PTPRD: variants seen among roughly 807,000 people sequenced by gnomAD.
PTPRD encodes receptor-type tyrosine-protein phosphatase delta.
In PTPRD, 34 loss-of-function variants were observed where a neutral mutation model predicts 214.5. The observed-to-expected ratio is 0.16, with a 90% CI of 0.12 to 0.21. PTPRD has a LOEUF of 0.21. Among genes scored for constraint, PTPRD ranks in the 10% least tolerant of loss-of-function variants. The probability of loss-of-function intolerance (pLI) is 1.00; values close to 1 mark genes in which losing one functional copy is unlikely to be tolerated. For synonymous variants in PTPRD, 1,128 were observed against 845.7 expected, an observed-to-expected ratio of 1.33 and a Z score of -5.79; for missense variants, 2,545 against 2,398.7, an observed-to-expected ratio of 1.06 and a Z score of -1.27.
chr9:9,157,659 T>C (rs991564878), intron 10 of PTPRD, among the ~76,000 whole-genome samples: 2 of 152,210 alleles, frequency 1.3e-5, no homozygotes, highest in African/African-American at 2.4e-5. Flanking sequence ...CAGGACCAGA[T>C]GGCTTCACCA....
At chr9:10,261,058 G>GTATATATAT (rs1564852579) in intron 3 of PTPRD, among the ~76,000 whole-genome samples, 19 of 132,590 alleles carry the variant, frequency 1.4e-4, no homozygotes, top group African/African-American at 5.6e-4. Flanking sequence ...TTATATATGT[G>GTATATATAT]TATATATATT....
intron 7 of PTPRD, among the ~76,000 whole-genome samples, chr9:9,596,952 C>T (rs1489393150): frequency 6.6e-6 from 1 of 151,870 alleles, no homozygotes; most frequent in Non-Finnish European, 1.5e-5. Context: ...GATTATTCTG[C>T]CCCAAAGAAA....
intron 2 of PTPRD, among the ~76,000 whole-genome samples, chr9:10,480,915 C>G (rs377475146): frequency 2.6e-5 from 4 of 152,102 alleles, no homozygotes; most frequent in South Asian, 2.1e-4. Flanking sequence ...TGCTTAAACT[C>G]TTCTTTGATA....
rs200740067 is a variant in PTPRD, at chr9:9,395,178, A to G, written c.-203+2271T>C. Among the ~76,000 whole-genome samples, 200 of 142,040 alleles carry G rather than the reference A, an allele frequency of 1.4e-3. 1 individual carries two copies. The East Asian group carries it at 0.043, about 30-fold the overall frequency. The allele number at this position is 142,040 out of a possible 152,430, so 93.2% of individuals were successfully genotyped here. A position where few individuals can be genotyped will look rare whatever the true frequency, so the allele number is the denominator to read the frequency against. On this transcript the variant is annotated intron_variant, in intron 9 of 45. Transcript: ENST00000381196. ...CCCAGTTGATGCTGACCCTCCCAGG[A>G]ACATGAAACAAAAAAAAAAAAAAGT...
intron 9 of PTPRD, among the ~76,000 whole-genome samples, chr9:9,351,270 A>C (rs1052435057): frequency 1.3e-5 from 2 of 152,044 alleles, no homozygotes; most frequent in Admixed American, 1.3e-4. Flanking sequence ...AGAGAACATA[A>C]AAAGAGGAAA....
intron 11 of PTPRD, among the ~76,000 whole-genome samples, chr9:8,904,667 T>TC (rs757920166): frequency 1.0e-4 from 13 of 128,928 alleles, no homozygotes; most frequent in African/African-American, 3.7e-4. Context: ...GGGAGACTCT[T>TC]AAAAAAAAAA....
At chr9:8,481,070 G>A (rs1358928727) in intron 30 of PTPRD, among the ~76,000 whole-genome samples, 1 of 150,662 alleles carries the variant, frequency 6.6e-6, no homozygotes, top group Non-Finnish European at 1.5e-5. Context: ...AACCCAGAAG[G>A]CGGAGCTTGC....
intron 5 of PTPRD, among the ~76,000 whole-genome samples, chr9:9,829,989 A>G (rs1015803688): frequency 4.6e-5 from 7 of 151,806 alleles, no homozygotes; most frequent in African/African-American, 7.2e-5. Flanking sequence ...CTTATCTGTT[A>G]AAGTATAGCA....
At chr9:9,667,145 A>T (rs2096739345) in intron 7 of PTPRD, among the ~76,000 whole-genome samples, 1 of 152,016 alleles carries the variant, frequency 6.6e-6, no homozygotes, top group South Asian at 2.1e-4. Flanking sequence ...TTTGTTTATT[A>T]CTGATTACTC....
intron 7 of PTPRD, among the ~76,000 whole-genome samples, chr9:9,578,372 T>C (rs916023170): frequency 6.6e-6 from 1 of 152,098 alleles, no homozygotes; most frequent in Non-Finnish European, 1.5e-5. Flanking sequence ...GATGTAGTGT[T>C]TGGAGAAATT....
At chr9:10,198,568 G>C (rs1009207778) in intron 3 of PTPRD, among the ~76,000 whole-genome samples, 2 of 152,132 alleles carry the variant, frequency 1.3e-5, no homozygotes, top group African/African-American at 4.8e-5. Context: ...TGAGAAGCAG[G>C]ATCCATTACA....
chr9:10,053,795 G>A (rs911062452), intron 3 of PTPRD, among the ~76,000 whole-genome samples: 2 of 152,106 alleles, frequency 1.3e-5, no homozygotes, highest in African/African-American at 4.8e-5. Context: ...GTCTCACTCT[G>A]TAGCCCAGGC....
intron 11 of PTPRD, among the ~76,000 whole-genome samples, chr9:8,905,066 A>G (rs771585378): frequency 6.6e-6 from 1 of 152,220 alleles, no homozygotes; most frequent in Non-Finnish European, 1.5e-5. Context: ...TTATGAGTAT[A>G]CAAAAATGAA....
intron 30 of PTPRD, among the ~76,000 whole-genome samples, chr9:8,473,950 A>G (rs2096711711): frequency 6.6e-6 from 1 of 152,196 alleles, no homozygotes; most frequent in African/African-American, 2.4e-5. Context: ...ACCTCAGTCT[A>G]AATCCACACA....
chr9:9,834,340 G>A (rs1406040311), intron 5 of PTPRD, among the ~76,000 whole-genome samples: 1 of 151,874 alleles, frequency 6.6e-6, no homozygotes, highest in Non-Finnish European at 1.5e-5. Context: ...AAAGAAAAAA[G>A]CCCAGATCTA....
intron 10 of PTPRD, among the ~76,000 whole-genome samples, chr9:9,120,446 T>C (rs1424629159): frequency 6.6e-6 from 1 of 152,196 alleles, no homozygotes; most frequent in Admixed American, 6.5e-5. Flanking sequence ...TCAATTATCA[T>C]TGACTCCTGT....
chr9:8,793,435 T>G (rs2096300420), intron 11 of PTPRD, among the ~76,000 whole-genome samples: 1 of 152,202 alleles, frequency 6.6e-6, no homozygotes, highest in Admixed American at 6.5e-5. Context: ...CAGCCCCATC[T>G]AACATTCTGA....
rs1252889882 is a variant in PTPRD, at chr9:10,483,473, C to T, written c.-600+128925G>A. 4.0e-5 allele frequency among the ~76,000 whole-genome samples: 6 copies of T among 151,802 alleles called. No homozygotes were observed. In the South Asian group the frequency reaches 1.0e-3, roughly 26 times the overall value. On this transcript the variant is annotated intron_variant, in intron 2 of 45. Coordinates refer to ENST00000381196, the MANE Select transcript of PTPRD (RefSeq NM_002839.4). ...GTTTCTGTACAGCAAAAGAAATAAT[C>T]GTCAGGGTAAAGAGAGAATCTACAG...
intron 9 of PTPRD, among the ~76,000 whole-genome samples, chr9:9,270,177 C>G (rs774475074): frequency 1.3e-5 from 2 of 151,096 alleles, no homozygotes; most frequent in Non-Finnish European, 3.0e-5. Flanking sequence ...TAAAACAAAA[C>G]ATCACGTTGC....
Sources: gnomAD v4.1 joint callset for allele counts (sites outside exome capture counted in the v4.1 genomes callset) on GRCh38, gnomAD v4.1.1 for gene constraint, MANE v1.5 for transcripts, NCBI Gene and HGNC (gene_info 2026-07-23, HGNC 2026-07-21) for gene names.